LRRC4C: variants seen among roughly 807,000 people sequenced by gnomAD.
LRRC4C encodes the protein leucine rich repeat containing 4C.
In LRRC4C, 5 loss-of-function variants were observed where a neutral mutation model predicts 33.6. The observed-to-expected ratio is 0.15, with a 90% CI of 0.08 to 0.31. The LOEUF is 0.31. Among genes scored for constraint, LRRC4C ranks in the 10% least tolerant of loss-of-function variants. The probability of loss-of-function intolerance (pLI) is 1.00; values close to 1 mark genes in which losing one functional copy is unlikely to be tolerated. For synonymous variants in LRRC4C, 329 were observed against 302.0 expected (o/e 1.09, Z -0.93); for missense variants, 560 against 796.7 (o/e 0.70, Z 3.58).
At chr11:41,342,768 C>T (rs1225168151) in intron 1 of LRRC4C, among the ~76,000 whole-genome samples, 7 of 152,110 alleles carry the variant, frequency 4.6e-5, no homozygotes, top group African/African-American at 1.7e-4. Flanking sequence ...TGTATTTTGT[C>T]ATAAACAAGC....
intron 2 of LRRC4C, among the ~76,000 whole-genome samples, chr11:40,752,120 T>C (rs1279172615): frequency 6.6e-6 from 1 of 152,054 alleles, no homozygotes; most frequent in Non-Finnish European, 1.5e-5. Context: ...TTGAGAAGAC[T>C]TAATGTTAAA....
chr11:40,270,929 T>G (rs1318105690), intron 4 of LRRC4C, among the ~76,000 whole-genome samples: 1 of 152,146 alleles, frequency 6.6e-6, no homozygotes, highest in Non-Finnish European at 1.5e-5. Flanking sequence ...TTTAATGCTT[T>G]TTCTATTATT....
intron 2 of LRRC4C, among the ~76,000 whole-genome samples, chr11:40,898,036 A>G (rs1001475858): frequency 1.3e-5 from 2 of 152,176 alleles, no homozygotes; most frequent in Non-Finnish European, 2.9e-5. Flanking sequence ...GGTCTACAAA[A>G]AGAAAAAAAG....
intron 1 of LRRC4C, among the ~76,000 whole-genome samples, chr11:41,446,436 C>T (rs1477695650): frequency 6.6e-6 from 1 of 152,174 alleles, no homozygotes; most frequent in Non-Finnish European, 1.5e-5. Flanking sequence ...ACAGGCTGGG[C>T]TGGAAGGCCC....
chr11:41,232,172 G>A (rs1277442452), intron 1 of LRRC4C, among the ~76,000 whole-genome samples: 1 of 151,886 alleles, frequency 6.6e-6, no homozygotes, highest in African/African-American at 2.4e-5. Context: ...ATCCTCCTTA[G>A]CATCTCTACC....
intron 5 of LRRC4C, among the ~76,000 whole-genome samples, chr11:40,223,132 A>G (rs1197730450): frequency 6.6e-6 from 1 of 152,206 alleles, no homozygotes; most frequent in African/African-American, 2.4e-5. Flanking sequence ...TAATGGGTCC[A>G]TTCTTTATTA....
intron 1 of LRRC4C, among the ~76,000 whole-genome samples, chr11:41,267,721 C>G (rs1237104514): frequency 6.6e-6 from 1 of 152,060 alleles, no homozygotes; most frequent in Admixed American, 6.6e-5. Context: ...CCAGATCTCT[C>G]CTTGCTTACT....
intron 2 of LRRC4C, among the ~76,000 whole-genome samples, chr11:40,857,851 G>T (rs571618141): frequency 3.8e-4 from 58 of 152,042 alleles, no homozygotes; most frequent in Non-Finnish European, 7.1e-4. Context: ...GGAGGTCGAG[G>T]CTGCATTGAG....
At chr11:40,534,390 T>A (rs17486333) in intron 3 of LRRC4C, among the ~76,000 whole-genome samples, 13,618 of 152,190 alleles carry the variant, frequency 0.089, 775 homozygotes, top group Middle Eastern at 0.15. Context: ...TTTTAAAACA[T>A]CTGTGCCAGT....
intron 1 of LRRC4C, among the ~76,000 whole-genome samples, chr11:41,008,106 C>A (rs1335649172): frequency 6.6e-6 from 1 of 152,036 alleles, no homozygotes; most frequent in Non-Finnish European, 1.5e-5. Context: ...AAGAGTAGCC[C>A]ACTTGAGTGT....
intron 1 of LRRC4C, among the ~76,000 whole-genome samples, chr11:41,441,384 C>T (rs2138530974): frequency 6.6e-6 from 1 of 152,114 alleles, no homozygotes; most frequent in Admixed American, 6.6e-5. Context: ...ATAGGGACTT[C>T]CTCTGGATAT....
At chr11:41,292,377 C>T (rs1018399815) in intron 1 of LRRC4C, among the ~76,000 whole-genome samples, 3 of 151,854 alleles carry the variant, frequency 2.0e-5, no homozygotes, top group Non-Finnish European at 4.4e-5. Context: ...AGCCACAGAT[C>T]ACCCACAGAT....
At chr11:41,061,552 C>T (rs1937768068) in intron 1 of LRRC4C, among the ~76,000 whole-genome samples, 1 of 152,156 alleles carries the variant, frequency 6.6e-6, no homozygotes, top group Admixed American at 6.5e-5. Context: ...ATGTTGTTTG[C>T]CACTCTAATA....
intron 1 of LRRC4C, among the ~76,000 whole-genome samples, chr11:41,131,112 G>T (rs1942990543): frequency 6.6e-6 from 1 of 151,956 alleles, no homozygotes; most frequent in Non-Finnish European, 1.5e-5. Flanking sequence ...GGATCAAGTG[G>T]TGCAGCAGCC....
intron 4 of LRRC4C, among the ~76,000 whole-genome samples, chr11:40,274,477 A>G (rs1446890478): frequency 1.3e-5 from 2 of 150,956 alleles, no homozygotes; most frequent in African/African-American, 4.9e-5. Context: ...AGAAACCACA[A>G]TATGAAGAAG....
At chr11:40,591,917 G>A (rs928463593) in intron 3 of LRRC4C, among the ~76,000 whole-genome samples, 3 of 152,102 alleles carry the variant, frequency 2.0e-5, no homozygotes, top group Admixed American at 6.5e-5. Flanking sequence ...GTAACCAATC[G>A]AATTCTTTCT....
At chr11:41,085,927 C>T (rs1199694000) in intron 1 of LRRC4C, among the ~76,000 whole-genome samples, 46 of 47,168 alleles carry the variant, frequency 9.8e-4, no homozygotes, top group African/African-American at 3.3e-3. Flanking sequence ...TTTTAAGACA[C>T]CAAAAAAAAA....
intron 3 of LRRC4C, among the ~76,000 whole-genome samples, chr11:40,534,399 G>T (rs1432966555): frequency 6.6e-6 from 1 of 152,118 alleles, no homozygotes; most frequent in Non-Finnish European, 1.5e-5. Flanking sequence ...ATCTGTGCCA[G>T]TTCTTAAAAA....
At chr11:40,161,963 A>C (rs1859193942) in intron 5 of LRRC4C, among the ~76,000 whole-genome samples, 2 of 152,068 alleles carry the variant, frequency 1.3e-5, no homozygotes. Flanking sequence ...ATAAATAATA[A>C]AATTTATTTC....
Sources: allele counts gnomAD v4.1 joint callset (sites outside exome capture counted in the v4.1 genomes callset), GRCh38; gene constraint gnomAD v4.1.1; transcripts MANE v1.5; gene names NCBI Gene and HGNC (gene_info 2026-07-23, HGNC 2026-07-21).